The following WDR27 variants were observed in gnomAD, a reference collection of about 807,000 sequenced individuals.
WDR27 encodes the protein WD repeat domain 27, also known as WD repeat-containing protein 27.
In WDR27, 100 loss-of-function variants were observed where a neutral mutation model predicts 114.4. That is an observed-to-expected ratio of 0.87 (90% confidence interval 0.74 to 1.03). The LOEUF (loss-of-function observed/expected upper bound fraction) is 1.03, where lower values mean the gene tolerates loss of function less well. Among genes scored for constraint, WDR27 ranks in the 50% least tolerant of loss-of-function variants. The pLI, the probability that WDR27 is intolerant of heterozygous loss-of-function variation, is 0.00. For synonymous variants in WDR27, 449 were observed against 423.1 expected (o/e 1.06, Z -0.75); for missense variants, 1,129 against 1,092.9 (o/e 1.03, Z -0.47).
intron 23 of WDR27, among the ~76,000 whole-genome samples, chr6:169,594,513 A>G (rs1806394065): frequency 1.3e-5 from 2 of 152,228 alleles, no homozygotes; most frequent in Admixed American, 1.3e-4. Flanking sequence ...TGAGACAGAT[A>G]CGTTAGTCTC....
intron 25 of WDR27, among the ~76,000 whole-genome samples, chr6:169,470,793 A>G (rs1048201709): frequency 6.6e-6 from 1 of 152,190 alleles, no homozygotes; most frequent in African/African-American, 2.4e-5. Flanking sequence ...TAGAACTTCA[A>G]CATAAAAATT....
intron 25 of WDR27, among the ~76,000 whole-genome samples, chr6:169,569,525 T>C (rs1801029480): frequency 6.6e-6 from 1 of 152,204 alleles, no homozygotes; most frequent in African/African-American, 2.4e-5. Context: ...GGTCCTGAGT[T>C]CTTAATCAAT....
chr6:169,555,308 T>C (rs1798719171), intron 25 of WDR27, among the ~76,000 whole-genome samples: 1 of 151,698 alleles, frequency 6.6e-6, no homozygotes, highest in Non-Finnish European at 1.5e-5. Context: ...AAAGAGCAAG[T>C]GGGAAAAACA....
intron 13 of WDR27, among the ~76,000 whole-genome samples, chr6:169,652,234 T>C (rs1471613288): frequency 6.6e-6 from 1 of 152,172 alleles, no homozygotes; most frequent in Non-Finnish European, 1.5e-5. Flanking sequence ...TTGGTTGTTT[T>C]GTTGTTGTTG....
intron 17 of WDR27, among the ~76,000 whole-genome samples, chr6:169,641,806 G>C (rs913604200): frequency 6.6e-6 from 1 of 152,240 alleles, no homozygotes; most frequent in Non-Finnish European, 1.5e-5. Flanking sequence ...CCTGACCCCA[G>C]AACTTCACAA....
intron 21 of WDR27, among the ~76,000 whole-genome samples, chr6:169,631,378 TCTC>T (rs1187382152): frequency 1.3e-5 from 2 of 151,444 alleles, no homozygotes; most frequent in African/African-American, 4.9e-5. Context: ...AGAAAAGCCT[TCTC>T]CTATTGAAAC....
chr6:169,688,944 TCTATAA>T lies in WDR27; in HGVS notation c.56_61del (p.Val19_Ile20del). On this transcript the variant is annotated inframe_deletion, in exon 2 of 26. Transcript: ENST00000448612. ...CTCCTTGGATTCAACCAGGTATTTT[TCTATAA>T]CTATATCACTTAGACAGCCACCATT... 4.3e-6 allele frequency: 7 copies of T among 1,613,948 alleles called. No individual in the cohort carries two copies. Among genetic ancestry groups the T allele is most frequent in the Non-Finnish European group, 5.9e-6 (7 of 1,179,842 alleles).
chr6:169,649,633 A>AT (rs1821724707), intron 14 of WDR27, among the ~76,000 whole-genome samples: 1 of 152,010 alleles, frequency 6.6e-6, no homozygotes, highest in South Asian at 2.1e-4. Context: ...CCTGACACTG[A>AT]TGACATGCCT....
chr6:169,655,391 A>C (rs1823843835), intron 13 of WDR27, among the ~76,000 whole-genome samples: 1 of 152,230 alleles, frequency 6.6e-6, no homozygotes, highest in African/African-American at 2.4e-5. Context: ...GGGTGCTGCA[A>C]AGACTGCTCA....
chr6:169,573,664 T>C (rs891555253), intron 24 of WDR27, among the ~76,000 whole-genome samples: 1 of 152,266 alleles, frequency 6.6e-6, no homozygotes, highest in African/African-American at 2.4e-5. Context: ...AATTTGATAA[T>C]ATAAGGTAAT....
At chr6:169,658,439 G>T in intron 12 of WDR27, 81 bp from the exon 13 acceptor site, 1 of 1,075,212 alleles carries the variant, frequency 9.3e-7, no homozygotes, top group Non-Finnish European at 1.4e-6. Flanking sequence ...ACACTTTAAA[G>T]ACAGTTCCAA....
chr6:169,534,907 T>C (rs1010289076), intron 25 of WDR27, among the ~76,000 whole-genome samples: 2 of 151,950 alleles, frequency 1.3e-5, no homozygotes, highest in African/African-American at 4.8e-5. Context: ...AAGAACATGT[T>C]AGTATGAAAA....
chr6:169,469,087 T>C (rs768912640), intron 25 of WDR27, among the ~76,000 whole-genome samples: 3 of 152,184 alleles, frequency 2.0e-5, no homozygotes, highest in Non-Finnish European at 4.4e-5. Flanking sequence ...CTTCCACATA[T>C]AAATTTTGAG....
chr6:169,640,093 T>A (rs1453000211), intron 17 of WDR27, among the ~76,000 whole-genome samples: 1 of 152,092 alleles, frequency 6.6e-6, no homozygotes, highest in Non-Finnish European at 1.5e-5. Flanking sequence ...CACTCATGCT[T>A]CCTGACGACA....
intron 25 of WDR27, among the ~76,000 whole-genome samples, chr6:169,469,470 C>T (rs1414644865): frequency 1.3e-5 from 2 of 152,214 alleles, no homozygotes; most frequent in Non-Finnish European, 2.9e-5. Flanking sequence ...CTCAGGCCCA[C>T]TGGGGTGGCA....
chr6:169,490,315 A>G (rs1294919695), intron 25 of WDR27, among the ~76,000 whole-genome samples: 1 of 152,254 alleles, frequency 6.6e-6, no homozygotes, highest in East Asian at 1.9e-4. Flanking sequence ...TGGAGGAGAC[A>G]GACCCCATGT....
intron 12 of WDR27, 98 bp downstream of exon 12, chr6:169,658,988 G>A (rs879297455): frequency 2.1e-6 from 3 of 1,442,642 alleles, no homozygotes; most frequent in Non-Finnish European, 2.7e-6. Context: ...CGCCCGGCCA[G>A]AGCTCAGAGT....
At chr6:169,538,969 A>C (rs1796524073) in intron 25 of WDR27, among the ~76,000 whole-genome samples, 4 of 152,234 alleles carry the variant, frequency 2.6e-5, no homozygotes, top group Non-Finnish European at 4.4e-5. Flanking sequence ...AACATAGCTC[A>C]GCATAAGAAA....
intron 25 of WDR27, among the ~76,000 whole-genome samples, chr6:169,481,874 G>T (rs1403986589): frequency 6.6e-6 from 1 of 152,346 alleles, no homozygotes; most frequent in South Asian, 2.1e-4. Flanking sequence ...TTTAAAAACT[G>T]TAACACTCAC....
Sources: gnomAD v4.1 joint callset for allele counts (sites outside exome capture counted in the v4.1 genomes callset) on GRCh38, gnomAD v4.1.1 for gene constraint, MANE v1.5 for transcripts, NCBI Gene and HGNC (gene_info 2026-07-23, HGNC 2026-07-21) for gene names.